The following CLSTN2 variants were observed in gnomAD, a reference collection of about 807,000 sequenced individuals.
CLSTN2 encodes the protein calsyntenin-2.
CLSTN2 carries 48 observed loss-of-function variants against 101.2 expected under a neutral mutation model. The observed-to-expected ratio is 0.47, with a 90% CI of 0.38 to 0.60. The LOEUF is 0.60. Ranked by LOEUF, CLSTN2 falls within the 20% of genes least tolerant of loss-of-function variation. The pLI is 0.00. For missense variants in CLSTN2, 1,160 were observed against 1,238.2 expected, an observed-to-expected ratio of 0.94 and a Z score of 0.95; for synonymous variants, 481 against 463.6, an observed-to-expected ratio of 1.04 and a Z score of -0.48.
Position 140,562,808 on chromosome 3 carries a change from C to T in CLSTN2, c.2213-3C>T, listed in dbSNP as rs201817684. 200 of 1,613,678 alleles carry T rather than the reference C, an allele frequency of 1.2e-4. No individual in the cohort carries two copies. Among genetic ancestry groups the T allele is most frequent in the Non-Finnish European group, 1.5e-4 (180 of 1,179,918 alleles). On this transcript the variant is annotated splice_region_variant and splice_polypyrimidine_tract_variant and intron_variant, in intron 13 of 16. Coordinates refer to ENST00000458420, the MANE Select transcript of CLSTN2 (RefSeq NM_022131.3). ...TGATGACAGGTGTGGTCTCTTGGCACAGGTGTGGGCTCCATGAGCCGCTAT... is the reference window on the plus strand; with the variant it reads ...TGATGACAGGTGTGGTCTCTTGGCATAGGTGTGGGCTCCATGAGCCGCTAT...
At chr3:140,231,121 T>C (rs958798915) in intron 2 of CLSTN2, among the ~76,000 whole-genome samples, 1 of 152,196 alleles carries the variant, frequency 6.6e-6, no homozygotes, top group African/African-American at 2.4e-5. Flanking sequence ...TCAAAGTGCA[T>C]GGTGAGAAAA....
At chr3:140,197,052 G>A (rs1231893925) in intron 2 of CLSTN2, among the ~76,000 whole-genome samples, 1 of 152,182 alleles carries the variant, frequency 6.6e-6, no homozygotes, top group East Asian at 1.9e-4. Flanking sequence ...TTAAAGACAT[G>A]ACAAAAACAA....
chr3:140,133,528 C>T (rs965571620), intron 1 of CLSTN2, among the ~76,000 whole-genome samples: 2 of 152,168 alleles, frequency 1.3e-5, no homozygotes, highest in Non-Finnish European at 2.9e-5. Context: ...AAATCCATAA[C>T]CAGGGACTGG....
intron 1 of CLSTN2, among the ~76,000 whole-genome samples, chr3:139,972,025 A>G (rs1179643203): frequency 2.0e-5 from 3 of 152,126 alleles, no homozygotes; most frequent in Non-Finnish European, 4.4e-5. Flanking sequence ...GTACTTTGGG[A>G]GGCTGAGGTG....
rs1300369215 is a variant in CLSTN2, at chr3:140,493,000, ACAAT to A, written c.1344+26273_1344+26276del. ...ACACTCACCAGCAGTTGGAATTGTT[ACAAT>A]CAACCATGGAGGTTTTTATTTTTTT... On this transcript the variant is annotated intron_variant, in intron 8 of 16. Coordinates refer to ENST00000458420, the MANE Select transcript of CLSTN2 (RefSeq NM_022131.3). Among the ~76,000 whole-genome samples, 67 of 152,000 alleles carry A rather than the reference ACAAT, an allele frequency of 4.4e-4. 1 individual carries two copies. The highest frequency in any genetic ancestry group is 1.5e-3 in the African/African-American group (64 of 41,536).
intron 2 of CLSTN2, among the ~76,000 whole-genome samples, chr3:140,402,885 C>T (rs1161335100): frequency 2.0e-5 from 3 of 152,088 alleles, no homozygotes; most frequent in African/African-American, 7.2e-5. Context: ...GTTTTGCTCC[C>T]TCAAAGCCTA....
intron 7 of CLSTN2, among the ~76,000 whole-genome samples, chr3:140,464,041 G>T (rs573565392): frequency 6.6e-6 from 1 of 152,310 alleles, no homozygotes; most frequent in East Asian, 1.9e-4. Flanking sequence ...ATTTATAGCA[G>T]GGCCATCCTT....
chr3:140,293,986 T>C (rs2086978289), intron 2 of CLSTN2, among the ~76,000 whole-genome samples: 1 of 152,198 alleles, frequency 6.6e-6, no homozygotes, highest in Non-Finnish European at 1.5e-5. Context: ...GAAACCCAGA[T>C]TTACTCTGTG....
At chr3:140,297,496 G>T (rs2087014874) in intron 2 of CLSTN2, among the ~76,000 whole-genome samples, 1 of 152,150 alleles carries the variant, frequency 6.6e-6, no homozygotes. Context: ...CAGACAGCAG[G>T]AATTGGCAAA....
chr3:140,547,484 G>GGAA (rs906830156), intron 10 of CLSTN2, among the ~76,000 whole-genome samples: 5 of 151,490 alleles, frequency 3.3e-5, no homozygotes, highest in Admixed American at 6.6e-5. Context: ...AAAAAAAAGA[G>GGAA]GAAGAAGAAG....
At chr3:140,347,688 G>A (rs1414831532) in intron 2 of CLSTN2, among the ~76,000 whole-genome samples, 6 of 152,120 alleles carry the variant, frequency 3.9e-5, no homozygotes, top group Non-Finnish European at 5.9e-5. Flanking sequence ...TTAATGGGTC[G>A]ATTGTGTGTT....
At chr3:140,328,215 A>G (rs558481142) in intron 2 of CLSTN2, among the ~76,000 whole-genome samples, 1 of 152,328 alleles carries the variant, frequency 6.6e-6, no homozygotes, top group Admixed American at 6.5e-5. Context: ...GGCATCTTGC[A>G]AAGTAAATAA....
chr3:139,968,197 G>A (rs901771301), intron 1 of CLSTN2, among the ~76,000 whole-genome samples: 1 of 152,158 alleles, frequency 6.6e-6, no homozygotes, highest in African/African-American at 2.4e-5. Context: ...TAAACTGGAA[G>A]CCAGAATTAA....
intron 5 of CLSTN2, among the ~76,000 whole-genome samples, chr3:140,432,502 G>T (rs2088642905): frequency 6.6e-6 from 1 of 152,228 alleles, no homozygotes; most frequent in South Asian, 2.1e-4. Flanking sequence ...CTGCTAAGGG[G>T]ATTGCTCAGA....
Position 140,331,416 on chromosome 3 carries a change from A to G in CLSTN2, c.233-72213A>G, listed in dbSNP as rs116250440. Reference sequence around the variant, plus strand: ...ACCCTCTCAGACATATTCAGAAACAACACCAGCCATCTAGGCATCCCCTCA... The same window carrying G: ...ACCCTCTCAGACATATTCAGAAACAGCACCAGCCATCTAGGCATCCCCTCA... On this transcript the variant is annotated intron_variant, in intron 2 of 16. Transcript: ENST00000458420. Among the ~76,000 whole-genome samples, 419 of 152,290 alleles carry G rather than the reference A, an allele frequency of 2.8e-3. 7 individuals carry two copies. Among genetic ancestry groups the G allele is most frequent in the African/African-American group, 9.7e-3 (403 of 41,566 alleles).
chr3:140,111,331 A>C (rs928506292), intron 1 of CLSTN2, among the ~76,000 whole-genome samples: 8 of 152,110 alleles, frequency 5.3e-5, no homozygotes, highest in Non-Finnish European at 1.2e-4. Flanking sequence ...TCCATGCTGA[A>C]GACTTCACAG....
chr3:139,953,253 G>A (rs1935325336), intron 1 of CLSTN2, among the ~76,000 whole-genome samples: 1 of 152,006 alleles, frequency 6.6e-6, no homozygotes. Context: ...CACCCTCTAT[G>A]CCCACACAGA....
intron 5 of CLSTN2, among the ~76,000 whole-genome samples, chr3:140,426,279 C>A (rs995835852): frequency 6.6e-6 from 1 of 152,188 alleles, no homozygotes; most frequent in African/African-American, 2.4e-5. Flanking sequence ...GCTCTCCCTC[C>A]TCCCTGCCAC....
At chr3:139,983,046 T>C (rs1935958957) in intron 1 of CLSTN2, among the ~76,000 whole-genome samples, 1 of 151,748 alleles carries the variant, frequency 6.6e-6, no homozygotes, top group East Asian at 1.9e-4. Context: ...TTCAAAGCAG[T>C]CACTGATATT....
Sources: allele counts gnomAD v4.1 joint callset (sites outside exome capture counted in the v4.1 genomes callset), GRCh38; gene constraint gnomAD v4.1.1; transcripts MANE v1.5; gene names NCBI Gene and HGNC (gene_info 2026-07-23, HGNC 2026-07-21).